The following PPP2R3A variants were observed in gnomAD, a reference collection of about 807,000 sequenced individuals.
The protein encoded by PPP2R3A is protein phosphatase 2 regulatory subunit B''alpha, also known as serine/threonine-protein phosphatase 2A regulatory subunit B'' subunit alpha.
PPP2R3A carries 80 observed loss-of-function variants against 106.9 expected under a neutral mutation model. The ratio of observed to expected loss-of-function variants is 0.75; its 90% CI spans 0.62 to 0.90. The LOEUF (loss-of-function observed/expected upper bound fraction) is 0.90, where lower values mean the gene tolerates loss of function less well. PPP2R3A is among the 40% of genes least tolerant of loss of function. The pLI is 0.00. For missense variants in PPP2R3A, 1,386 were observed against 1,350.4 expected, an observed-to-expected ratio of 1.03 and a Z score of -0.41; for synonymous variants, 483 against 468.3, an observed-to-expected ratio of 1.03 and a Z score of -0.41.
intron 1 of PPP2R3A, among the ~76,000 whole-genome samples, chr3:135,967,181 A>G (rs1034968653): frequency 6.6e-6 from 1 of 152,150 alleles, no homozygotes; most frequent in Non-Finnish European, 1.5e-5. Flanking sequence ...ATACTTGTGG[A>G]AAAAAACTTA....
At position 136,001,274 on chromosome 3, in the gene PPP2R3A, TATTAA is replaced by T; in HGVS notation, c.-220_-216del. ...ACTAAATAAAATTAAAAAGCACAAT[TATTAA>T]ATTATTAAATTTGCCACACATGTGC... On this transcript the variant is annotated 5_prime_UTR_variant, in exon 2 of 14. Transcript: ENST00000264977. 4.2e-6 allele frequency: 2 copies of T among 471,614 alleles called. No homozygotes were observed. Among genetic ancestry groups the T allele is most frequent in the East Asian group, 3.2e-5 (1 of 31,580 alleles). 29.2% of individuals were successfully genotyped at this position (471,614 alleles called of 1,614,324 possible). A position where few individuals can be genotyped will look rare whatever the true frequency, so the allele number is the denominator to read the frequency against.
chr3:136,109,855 A>G (rs1015432336), intron 13 of PPP2R3A, among the ~76,000 whole-genome samples: 9 of 152,192 alleles, frequency 5.9e-5, no homozygotes, highest in Admixed American at 1.3e-4. Flanking sequence ...GATTCTTCAT[A>G]GTAGAATGTA....
chr3:135,970,004 A>G (rs1057225832), intron 1 of PPP2R3A, among the ~76,000 whole-genome samples: 1 of 152,170 alleles, frequency 6.6e-6, no homozygotes, highest in African/African-American at 2.4e-5. Context: ...CTGGGAAGAG[A>G]GCATAGAACA....
intron 1 of PPP2R3A, among the ~76,000 whole-genome samples, chr3:135,978,809 A>C (rs1262847747): frequency 6.6e-6 from 1 of 151,866 alleles, no homozygotes; most frequent in Non-Finnish European, 1.5e-5. Flanking sequence ...TTTTTAATCT[A>C]CATTTCAATA....
At chr3:136,081,062 C>T (rs555319898) in intron 7 of PPP2R3A, among the ~76,000 whole-genome samples, 133 of 151,816 alleles carry the variant, frequency 8.8e-4, no homozygotes, top group Non-Finnish European at 1.6e-3. Context: ...GGCGCGATCT[C>T]GGCTCACTGC....
At chr3:136,008,748 C>T (rs773212937) in intron 2 of PPP2R3A, among the ~76,000 whole-genome samples, 1 of 152,066 alleles carries the variant, frequency 6.6e-6, no homozygotes, top group Non-Finnish European at 1.5e-5. Flanking sequence ...TCCAGGTGTT[C>T]CTGATAAGTC....
chr3:136,035,400 T>A (rs1935051722), intron 3 of PPP2R3A, among the ~76,000 whole-genome samples: 2 of 152,222 alleles, frequency 1.3e-5, no homozygotes, highest in African/African-American at 4.8e-5. Context: ...GCTCCTTTTA[T>A]CAGTTCTTGT....
intron 1 of PPP2R3A, among the ~76,000 whole-genome samples, chr3:135,983,120 A>G (rs1419479014): frequency 6.6e-6 from 1 of 152,228 alleles, no homozygotes; most frequent in African/African-American, 2.4e-5. Context: ...GCAGGAGCTA[A>G]GCAATGGGTT....
At chr3:136,034,097 G>A (rs1288958833) in intron 3 of PPP2R3A, among the ~76,000 whole-genome samples, 2 of 149,406 alleles carry the variant, frequency 1.3e-5, no homozygotes, top group Non-Finnish European at 3.0e-5. Context: ...GTGCAGTGGC[G>A]TGATCTTGGC....
chr3:136,111,219 AAG>A (rs1315218187), intron 13 of PPP2R3A, among the ~76,000 whole-genome samples: 1 of 152,200 alleles, frequency 6.6e-6, no homozygotes, highest in Non-Finnish European at 1.5e-5. Flanking sequence ...ACAGATATAT[AAG>A]AGAGAAAAAG....
rs776973998 is a variant in PPP2R3A, at chr3:136,003,341, C to G, written c.1843C>G (p.Leu615Val). 5 of 1,613,856 alleles carry G rather than the reference C, an allele frequency of 3.1e-6. No individual in the cohort carries two copies. The highest frequency in any genetic ancestry group is 4.2e-6 in the Non-Finnish European group (5 of 1,179,962). The part of the protein sequence containing the change: ...LVECKSSRGS[L>V]SQEKEMMQIL... ...TGAATGCAAATCAAGCAGAGGGAGC[C>G]TATCACAAGAAAAGGAAATGATGCA... Residue 615 changes from leucine (L) to valine (V), a missense_variant, in exon 2 of 14, where the codon CTA (leucine) becomes GTA (valine). Leu to Val is a conservative substitution (Grantham distance 32, BLOSUM62 1). Transcript: ENST00000264977.
At chr3:136,068,294 A>G (rs1936322189) in intron 5 of PPP2R3A, among the ~76,000 whole-genome samples, 1 of 152,180 alleles carries the variant, frequency 6.6e-6, no homozygotes. Context: ...GAGCAACAAA[A>G]TGATGATAGT....
At chr3:136,142,623 A>G (rs1295225117) in intron 13 of PPP2R3A, among the ~76,000 whole-genome samples, 1 of 152,206 alleles carries the variant, frequency 6.6e-6, no homozygotes, top group Non-Finnish European at 1.5e-5. Context: ...CTGTGCTCTA[A>G]GCCTAAATCA....
intron 9 of PPP2R3A, among the ~76,000 whole-genome samples, chr3:136,089,530 G>A (rs992130271): frequency 6.6e-6 from 1 of 151,182 alleles, no homozygotes; most frequent in African/African-American, 2.4e-5. Flanking sequence ...CCTCTCGCTT[G>A]GTTGTTTTTG....
chr3:136,070,567 C>CT lies in PPP2R3A; in HGVS notation c.2544+21dup. 1 of 1,591,320 alleles carries CT rather than the reference C, an allele frequency of 6.3e-7. No homozygotes were observed. Among genetic ancestry groups the CT allele is most frequent in the Admixed American group, 1.8e-5 (1 of 55,748 alleles). ...ACATCACCACGGTAGGCTGAGTCAT[C>CT]TTTTTTCTTAATATAACTCCATAAG... On this transcript the variant is annotated intron_variant, in intron 6 of 13. Transcript: ENST00000264977.
intron 6 of PPP2R3A, among the ~76,000 whole-genome samples, chr3:136,072,934 A>G (rs557962076): frequency 6.6e-6 from 1 of 152,294 alleles, no homozygotes; most frequent in East Asian, 1.9e-4. Flanking sequence ...TTGGTCACCT[A>G]GCAAGTAGTC....
At chr3:136,126,918 G>A (rs1275243015) in intron 13 of PPP2R3A, among the ~76,000 whole-genome samples, 1 of 152,194 alleles carries the variant, frequency 6.6e-6, no homozygotes, top group African/African-American at 2.4e-5. Flanking sequence ...CTGCAGCTGA[G>A]GGACCTGACT....
intron 1 of PPP2R3A, among the ~76,000 whole-genome samples, chr3:135,967,993 G>A (rs1937138580): frequency 6.6e-6 from 1 of 152,186 alleles, no homozygotes; most frequent in Non-Finnish European, 1.5e-5. Flanking sequence ...CATCGCAAAT[G>A]TCCCCCAGGA....
intron 10 of PPP2R3A, among the ~76,000 whole-genome samples, chr3:136,097,719 G>A (rs1268872593): frequency 6.6e-6 from 1 of 151,946 alleles, no homozygotes; most frequent in Non-Finnish European, 1.5e-5. Flanking sequence ...CCTGATTTTG[G>A]TTCTCTTAAG....
Sources: gnomAD v4.1 joint callset for allele counts (sites outside exome capture counted in the v4.1 genomes callset) on GRCh38, gnomAD v4.1.1 for gene constraint, MANE v1.5 for transcripts, NCBI Gene and HGNC (gene_info 2026-07-23, HGNC 2026-07-21) for gene names.